The following GLB1L3 variants were observed in gnomAD, a reference collection of about 807,000 sequenced individuals.
The protein encoded by GLB1L3 is galactosidase beta 1 like 3, also known as beta-galactosidase-1-like protein 3.
Under a neutral mutation model 89.5 loss-of-function variants are expected in GLB1L3, and 89 were observed. The ratio of observed to expected loss-of-function variants is 0.99; its 90% CI spans 0.84 to 1.19. GLB1L3 has a LOEUF of 1.19. Among genes scored for constraint, GLB1L3 ranks in the 50% most tolerant of loss-of-function variants. The probability of loss-of-function intolerance (pLI) is 0.00; values close to 1 mark genes in which losing one functional copy is unlikely to be tolerated. For missense variants in GLB1L3, 812 were observed against 813.3 expected, an observed-to-expected ratio of 1.00 and a Z score of 0.02; for synonymous variants, 314 against 312.3, an observed-to-expected ratio of 1.01 and a Z score of -0.06.
downstream of GLB1L3, among the ~76,000 whole-genome samples, chr11:134,324,365 G>A (rs1240283087): frequency 1.3e-5 from 2 of 152,090 alleles, no homozygotes; most frequent in African/African-American, 4.8e-5. Flanking sequence ...TTTGTACCTC[G>A]AAGTCATAAC....
At chr11:134,311,297 T>C (rs907438955) in intron 13 of GLB1L3, 127 bp downstream of exon 13, 1 of 768,428 alleles carries the variant, frequency 1.3e-6, no homozygotes, top group African/African-American at 1.7e-5. Context: ...TTTAGAACTG[T>C]GGGACAAGAG....
At chr11:134,308,022 A>G (rs1163779521) in intron 10 of GLB1L3, among the ~76,000 whole-genome samples, 1 of 152,098 alleles carries the variant, frequency 6.6e-6, no homozygotes, top group Non-Finnish European at 1.5e-5. Flanking sequence ...TGAAAAATAG[A>G]AAAAAAGTCA....
rs1272843093 is a variant in GLB1L3, at chr11:134,277,470, T to G, written c.149+19T>G. 2 of 1,607,812 alleles carry G rather than the reference T, an allele frequency of 1.2e-6. No homozygotes were observed. Among genetic ancestry groups the G allele is most frequent in the Admixed American group, 1.7e-5 (1 of 59,394 alleles). On this transcript the variant is annotated intron_variant, in intron 2 of 19. Transcript: ENST00000431683. ...AGCCTAGGTTTGCTTGAGAGCTACA[T>G]CCCTGGGGAGGGAGGGGAGCGATCT...
At chr11:134,289,044 C>T (rs1031477699) in intron 7 of GLB1L3, 154 bp downstream of exon 7, 1 of 554,796 alleles carries the variant, frequency 1.8e-6, no homozygotes, top group African/African-American at 1.9e-5. Context: ...CGGCCCACTG[C>T]ATAGCTGAAA....
chr11:134,310,587 C>T lies in GLB1L3; in HGVS notation c.1116C>T (p.Leu372=), dbSNP rs1247748512. The T allele has an allele frequency of 1.2e-6, 2 of 1,612,812 alleles. No individual in the cohort carries two copies. The highest frequency in any genetic ancestry group is 1.7e-6 in the Non-Finnish European group (2 of 1,179,376). ...GTCTTGCAGACTATGATGCAGTGCT[C>T]ACGGAGGCTGGAGATTACACAGAAA... ...IVTSYDYDAV[L]TEAGDYTEKY... Residue 372 remains leucine, a synonymous_variant, in exon 12 of 20, where the codon CTC becomes CTT. Transcript: ENST00000431683.
chr11:134,297,814 C>T lies in GLB1L3; in HGVS notation c.876+4605C>T, dbSNP rs559282599. 2.2e-5 allele frequency among the ~76,000 whole-genome samples: 3 copies of T among 137,926 alleles called. No individual in the cohort carries two copies. The East Asian group carries it at 6.5e-4, about 30-fold the overall frequency. The allele number at this position is 137,926 out of a possible 152,430, so 90.5% of individuals were successfully genotyped here. A position where few individuals can be genotyped will look rare whatever the true frequency, so the allele number is the denominator to read the frequency against. On this transcript the variant is annotated intron_variant, in intron 9 of 19. Coordinates refer to ENST00000431683, the MANE Select transcript of GLB1L3 (RefSeq NM_001080407.3). ...GGTGGAGGTAGCAGTGAGCCAAGGT[C>T]GTGCCATTGCACTCCAGCCTGGGTG... is the stretch of plus-strand genomic sequence containing the variant.
At chr11:134,310,732 G>A (rs934472365) in intron 12 of GLB1L3, 81 bp downstream of exon 12, 25 of 1,084,702 alleles carry the variant, frequency 2.3e-5, no homozygotes, top group Non-Finnish European at 3.2e-5. Context: ...GAAGGCGTGG[G>A]TCTCCCTTGT....
rs1315529590 is a variant in GLB1L3 at position 134,313,976 on chromosome 11, C to T, written c.1615C>T (p.Leu539=). Residue 539 remains leucine (L), a synonymous_variant, in exon 17 of 20, where the codon CTG becomes TTG. Coordinates refer to ENST00000431683, the MANE Select transcript of GLB1L3 (RefSeq NM_001080407.3). ...ATCTGTCAGCATCAATAACTCTTCC[C>T]TGGAGGGCTTTACCATCTATTCCCT... The part of the protein sequence containing the change: ...TGSVSINNSS[L]EGFTIYSLEM... 6.2e-7 allele frequency: 1 copy of T among 1,612,778 alleles called. No individual in the cohort carries two copies. Among genetic ancestry groups the T allele is most frequent in the East Asian group, 2.2e-5 (1 of 44,870 alleles).
At chr11:134,277,273 G>C in intron 1 of GLB1L3, 53 bp from the exon 2 acceptor site, 1 of 1,612,084 alleles carries the variant, frequency 6.2e-7, no homozygotes, top group South Asian at 1.1e-5. Flanking sequence ...GGCCCTTGCA[G>C]CCCGGTGGGG....
chr11:134,319,392 A>T lies in GLB1L3; in HGVS notation c.*450A>T, dbSNP rs149189274. ...AACAACAACAACAAAACAGCAGAGG[A>T]ATTGTTATGTATTTTGTAGTCTATC... On this transcript the variant is annotated 3_prime_UTR_variant, in exon 20 of 20. Transcript: ENST00000431683. The T allele has an allele frequency of 1.2e-3, 195 of 158,886 alleles. 1 individual carries two copies. Among genetic ancestry groups the T allele is most frequent in the East Asian group, 0.011 (58 of 5,488 alleles). The allele number at this position is 158,886 out of a possible 1,614,324, so 9.8% of individuals were successfully genotyped here.
At chr11:134,295,438 T>G (rs774600771) in intron 9 of GLB1L3, among the ~76,000 whole-genome samples, 2 of 152,226 alleles carry the variant, frequency 1.3e-5, no homozygotes, top group Admixed American at 6.5e-5. Flanking sequence ...TGTTATCCTC[T>G]TAATGTGTTT....
At chr11:134,321,393 CAAAA>C (rs1320636642), downstream of GLB1L3, among the ~76,000 whole-genome samples, 1 of 151,816 alleles carries the variant, frequency 6.6e-6, no homozygotes, top group East Asian at 1.9e-4. Context: ...CAATAAAAGA[CAAAA>C]GATAGTAGAA....
rs1401119240 is a variant in GLB1L3 at position 134,288,675 on chromosome 11, C to CCA, written c.637-120_637-119dup. The stretch of plus-strand genomic sequence containing the variant: ...CCAGCGCTGGAGCAGAGCGTGCAGA[C>CCA]CACAGGGGCCGTGGATCAGAGCCTG... On this transcript the variant is annotated intron_variant, in intron 6 of 19. Coordinates refer to ENST00000431683, the MANE Select transcript of GLB1L3 (RefSeq NM_001080407.3). The CCA allele has an allele frequency of 1.2e-5, 8 of 648,116 alleles. No homozygotes were observed. In the East Asian group the frequency reaches 1.7e-4, roughly 14 times the overall value. 40.1% of individuals were successfully genotyped at this position (648,116 alleles called of 1,614,324 possible). A position where few individuals can be genotyped will look rare whatever the true frequency, so the allele number is the denominator to read the frequency against.
intron 9 of GLB1L3, among the ~76,000 whole-genome samples, chr11:134,296,384 C>T (rs1280707930): frequency 7.3e-6 from 1 of 137,544 alleles, no homozygotes; most frequent in African/African-American, 2.8e-5. Flanking sequence ...TATAAAGACA[C>T]ATGCACACGT....
At chr11:134,319,762 ATG>A (rs147678165), downstream of GLB1L3, among the ~76,000 whole-genome samples, 36 of 144,908 alleles carry the variant, frequency 2.5e-4, no homozygotes, top group African/African-American at 8.7e-4. Flanking sequence ...GCGCGCGTGC[ATG>A]TGTGTGTGTG....
In GLB1L3 at chr11:134,297,876, A is replaced by AAAAAG. The variant is rs1555077361; in HGVS notation, c.876+4670_876+4671insAGAAA. Among the ~76,000 whole-genome samples the AAAAAG allele has an allele frequency of 7.8e-3, 870 of 110,836 alleles. 22 individuals are homozygous for AAAAAG. Among genetic ancestry groups the AAAAAG allele is most frequent in the Non-Finnish European group, 0.011 (622 of 57,850 alleles). The allele number at this position is 110,836 out of a possible 152,430, so 72.7% of individuals were successfully genotyped here. On this transcript the variant is annotated intron_variant, in intron 9 of 19. Coordinates refer to ENST00000431683, the MANE Select transcript of GLB1L3 (RefSeq NM_001080407.3). ...CTCTGTCTCAAAAAAAAAAAAAAAA[A>AAAAAG]AAAGAAAGAAAGAGAGAAAAAAATA...
In GLB1L3 at chr11:134,284,519, G is replaced by A. The variant is rs556795127; in HGVS notation, c.636+674G>A. Among the ~76,000 whole-genome samples the A allele has an allele frequency of 4.6e-5, 7 of 152,148 alleles. No individual in the cohort carries two copies. In the South Asian group the frequency reaches 1.2e-3, roughly 27 times the overall value. ...GAGGCAGGGGGGTCACCTGAGGTCA[G>A]GAGTTCGAGATCAGCCTGACCAACA... On this transcript the variant is annotated intron_variant, in intron 6 of 19. Transcript: ENST00000431683.
chr11:134,302,554 T>A (rs1591568560), intron 9 of GLB1L3, among the ~76,000 whole-genome samples: 1 of 152,116 alleles, frequency 6.6e-6, no homozygotes, highest in African/African-American at 2.4e-5. Flanking sequence ...ATTTCTGTGG[T>A]TTTTCTTTTA....
At chr11:134,312,733 ACCT>A in intron 14 of GLB1L3, 80 bp from the exon 15 acceptor site, 3 of 1,160,814 alleles carry the variant, frequency 2.6e-6, no homozygotes, top group Admixed American at 2.0e-5. Context: ...CTTCATACTG[ACCT>A]CCTTCTCCCG....
Sources: allele counts gnomAD v4.1 joint callset (sites outside exome capture counted in the v4.1 genomes callset), GRCh38; gene constraint gnomAD v4.1.1; transcripts MANE v1.5; gene names NCBI Gene and HGNC (gene_info 2026-07-23, HGNC 2026-07-21).